Variants in ATP8B4 observed in about 807,000 individuals in gnomAD.
The protein encoded by ATP8B4 is ATPase phospholipid transporting 8B4 (putative), also known as probable phospholipid-transporting ATPase IM.
A neutral mutation model predicts 145.6 loss-of-function variants in ATP8B4; 133 were observed. The ratio of observed to expected loss-of-function variants is 0.91; its 90% CI spans 0.79 to 1.05. The LOEUF is 1.05. ATP8B4 is among the 50% of genes least tolerant of loss of function. The pLI, the probability that ATP8B4 is intolerant of heterozygous loss-of-function variation, is 0.00. For synonymous variants in ATP8B4, 507 were observed against 492.9 expected (o/e 1.03, Z -0.38); for missense variants, 1,458 against 1,425.2 (o/e 1.02, Z -0.37).
intron 19 of ATP8B4, among the ~76,000 whole-genome samples, chr15:49,917,527 C>T (rs1223506976): frequency 3.3e-5 from 5 of 152,074 alleles, no homozygotes; most frequent in African/African-American, 1.2e-4. Flanking sequence ...TTTTATAGTT[C>T]TCTCACACAC....
chr15:49,876,193 C>G (rs1037326902), intron 25 of ATP8B4, 85 bp downstream of exon 25: 1 of 1,515,850 alleles, frequency 6.6e-7, no homozygotes, highest in Non-Finnish European at 8.9e-7. Context: ...TTATTTCCCC[C>G]CAACAAGTAG....
intron 1 of ATP8B4, among the ~76,000 whole-genome samples, chr15:50,128,075 GC>G (rs2057318845): frequency 6.6e-6 from 1 of 152,196 alleles, no homozygotes. Flanking sequence ...TTTTGAGTAA[GC>G]CAGTGTTTCG....
At chr15:50,088,951 G>T (rs1378136073) in intron 2 of ATP8B4, among the ~76,000 whole-genome samples, 2 of 152,120 alleles carry the variant, frequency 1.3e-5, no homozygotes, top group Non-Finnish European at 2.9e-5. Context: ...TCTCTATTCT[G>T]TTCCATTGGT....
chr15:49,948,779 C>A (rs1480286438), intron 14 of ATP8B4, among the ~76,000 whole-genome samples: 6 of 152,150 alleles, frequency 3.9e-5, no homozygotes, highest in Admixed American at 3.9e-4. Flanking sequence ...GTTTCTTTTG[C>A]TGTGCAGAAG....
intron 1 of ATP8B4, among the ~76,000 whole-genome samples, chr15:50,118,698 C>A (rs907012229): frequency 1.1e-4 from 17 of 152,118 alleles, no homozygotes; most frequent in Non-Finnish European, 2.4e-4. Context: ...TCAGTGCAAA[C>A]TGTTCATGTC....
chr15:49,957,939 T>G (rs1334618813), intron 14 of ATP8B4, among the ~76,000 whole-genome samples: 1 of 151,798 alleles, frequency 6.6e-6, no homozygotes, highest in Admixed American at 6.5e-5. Context: ...AATTCCTACC[T>G]TAAGAACAGA....
At chr15:50,148,715 A>G (rs2044309646) in intron 1 of ATP8B4, among the ~76,000 whole-genome samples, 1 of 152,234 alleles carries the variant, frequency 6.6e-6, no homozygotes, top group African/African-American at 2.4e-5. Flanking sequence ...TAATAGCAGC[A>G]CAAAACAGGC....
intron 6 of ATP8B4, among the ~76,000 whole-genome samples, chr15:50,018,230 T>C (rs935061326): frequency 2.0e-5 from 3 of 152,152 alleles, no homozygotes; most frequent in African/African-American, 7.2e-5. Context: ...TCAAGTGATC[T>C]GCCCGCCTCA....
chr15:49,972,561 G>C lies in ATP8B4; in HGVS notation c.1243+21C>G, dbSNP rs185126012. The C allele has an allele frequency of 1.4e-4, 230 of 1,601,244 alleles. 2 individuals are homozygous for C. In the African/African-American group the frequency reaches 2.9e-3, roughly 20 times the overall value. ...GAAATTGTTAACAATATCGTTAAGA[G>C]AAAGGAACTGTTTCTCTTACCATAG... On this transcript the variant is annotated intron_variant, in intron 13 of 27. Transcript: ENST00000284509.
chr15:49,951,063 G>GTT (rs71124315), intron 14 of ATP8B4, among the ~76,000 whole-genome samples: 5 of 151,962 alleles, frequency 3.3e-5, no homozygotes, highest in Non-Finnish European at 7.4e-5. Context: ...CTGAGAGACT[G>GTT]TTTTTTTGTG....
chr15:49,879,364 A>C lies in ATP8B4; in HGVS notation c.2781+12T>G. On this transcript the variant is annotated intron_variant, in intron 24 of 27. Coordinates refer to ENST00000284509, the MANE Select transcript of ATP8B4 (RefSeq NM_024837.4). Reference sequence around the variant, plus strand: ...AGAGAAACTAAGTTATAAAGATGGAAAAAAAACATACCTGGTCAAAAATCC... The same window carrying C: ...AGAGAAACTAAGTTATAAAGATGGACAAAAAACATACCTGGTCAAAAATCC... The C allele has an allele frequency of 6.3e-7, 1 of 1,599,980 alleles. No homozygotes were observed. Among genetic ancestry groups the C allele is most frequent in the South Asian group, 1.1e-5 (1 of 89,038 alleles).
At chr15:49,991,048 A>T (rs1358976820) in intron 9 of ATP8B4, among the ~76,000 whole-genome samples, 1 of 152,140 alleles carries the variant, frequency 6.6e-6, no homozygotes, top group Non-Finnish European at 1.5e-5. Context: ...CACCAGCAGT[A>T]AAGAGGGAAA....
In ATP8B4 at chr15:49,994,019, AT is replaced by A. The variant is rs1379526617; in HGVS notation, c.589+2657del. On this transcript the variant is annotated intron_variant, in intron 9 of 27. Coordinates refer to ENST00000284509, the MANE Select transcript of ATP8B4 (RefSeq NM_024837.4). ...ACCTTAAAAGTAAATTTTGTGAAGT[AT>A]TTTTAAATGGCTATTTTTATATATA... is the stretch of plus-strand genomic sequence containing the variant. 2.0e-5 allele frequency among the ~76,000 whole-genome samples: 3 copies of A among 152,166 alleles called. No homozygotes were observed. In the East Asian group the frequency reaches 5.8e-4, roughly 29 times the overall value.
chr15:50,115,478 A>G (rs191083921), intron 1 of ATP8B4, among the ~76,000 whole-genome samples: 1 of 152,206 alleles, frequency 6.6e-6, no homozygotes, highest in East Asian at 1.9e-4. Context: ...ACAGATGGCA[A>G]TTCTGAGTTG....
chr15:49,955,449 A>G (rs535624355), intron 14 of ATP8B4, among the ~76,000 whole-genome samples: 2 of 152,354 alleles, frequency 1.3e-5, no homozygotes, highest in African/African-American at 4.8e-5. Flanking sequence ...AAAATGGTGT[A>G]GTCACTATAG....
intron 5 of ATP8B4, among the ~76,000 whole-genome samples, chr15:50,040,093 T>TA (rs1160886223): frequency 6.6e-6 from 1 of 152,228 alleles, no homozygotes; most frequent in African/African-American, 2.4e-5. Context: ...CCACCATATC[T>TA]ACACAGCATT....
At chr15:50,169,228 C>CA (rs1370721621) in intron 1 of ATP8B4, among the ~76,000 whole-genome samples, 1 of 152,224 alleles carries the variant, frequency 6.6e-6, no homozygotes, top group Non-Finnish European at 1.5e-5. Context: ...CCAACCAGCA[C>CA]AAAAATAGAG....
chr15:49,976,781 G>A (rs1276438116), intron 12 of ATP8B4, among the ~76,000 whole-genome samples: 1 of 152,076 alleles, frequency 6.6e-6, no homozygotes, highest in African/African-American at 2.4e-5. Flanking sequence ...GACTCACAGT[G>A]GAACATTCAG....
chr15:50,074,783 A>G (rs575869190), intron 2 of ATP8B4, among the ~76,000 whole-genome samples: 1 of 152,200 alleles, frequency 6.6e-6, no homozygotes, highest in Non-Finnish European at 1.5e-5. Context: ...AATAATATAA[A>G]AAGGACAATA....
Sources: gnomAD v4.1 joint callset for allele counts (sites outside exome capture counted in the v4.1 genomes callset) on GRCh38, gnomAD v4.1.1 for gene constraint, MANE v1.5 for transcripts, NCBI Gene and HGNC (gene_info 2026-07-23, HGNC 2026-07-21) for gene names.